KCNH1: variants seen among roughly 807,000 people sequenced by gnomAD.
KCNH1 encodes the protein potassium voltage-gated channel subfamily H member 1.
KCNH1 carries 27 observed loss-of-function variants against 69.2 expected under a neutral mutation model. The ratio of observed to expected loss-of-function variants is 0.39; its 90% CI spans 0.29 to 0.54. KCNH1 has a LOEUF of 0.54. KCNH1 is among the 20% of genes least tolerant of loss of function. The pLI, the probability that KCNH1 is intolerant of heterozygous loss-of-function variation, is 0.68. For synonymous variants in KCNH1, 456 were observed against 487.7 expected, an observed-to-expected ratio of 0.93 and a Z score of 0.86; for missense variants, 798 against 1,261.6, an observed-to-expected ratio of 0.63 and a Z score of 5.57.
rs1017895396 is a variant in KCNH1 at position 210,876,146 on chromosome 1, G to A, written c.1462+43494C>T. On this transcript the variant is annotated intron_variant, in intron 7 of 10. Coordinates refer to ENST00000271751, the MANE Select transcript of KCNH1 (RefSeq NM_172362.3). ...ACTTATTTGAAAATTCCAGCATAAG[G>A]ACAGTAATATATGAATAATTAAGAC... Among the ~76,000 whole-genome samples, 5 of 152,098 alleles carry A rather than the reference G, an allele frequency of 3.3e-5. No individual in the cohort carries two copies. In the East Asian group the frequency reaches 7.7e-4, roughly 23 times the overall value.
chr1:210,866,962 A>C (rs947291013), intron 7 of KCNH1, among the ~76,000 whole-genome samples: 1 of 152,124 alleles, frequency 6.6e-6, no homozygotes, highest in Non-Finnish European at 1.5e-5. Flanking sequence ...TAAATGCTAC[A>C]AAATATTAGA....
At chr1:211,029,686 C>T (rs781459261) in intron 5 of KCNH1, among the ~76,000 whole-genome samples, 1 of 152,080 alleles carries the variant, frequency 6.6e-6, no homozygotes, top group African/African-American at 2.4e-5. Context: ...CAACACAGTA[C>T]TGCTGTTGCA....
At chr1:210,834,476 T>C (rs1271644807) in intron 7 of KCNH1, among the ~76,000 whole-genome samples, 4 of 130,164 alleles carry the variant, frequency 3.1e-5, no homozygotes, top group Admixed American at 8.3e-5. Context: ...TAGGTGGGAA[T>C]TGAACAATGA....
intron 10 of KCNH1, among the ~76,000 whole-genome samples, chr1:210,765,490 A>C (rs765013883): frequency 6.6e-6 from 1 of 152,250 alleles, no homozygotes; most frequent in Non-Finnish European, 1.5e-5. Context: ...AATGGATCAG[A>C]AGCAAATTAT....
chr1:210,710,953 C>G (rs1438868979), intron 10 of KCNH1, among the ~76,000 whole-genome samples: 1 of 152,222 alleles, frequency 6.6e-6, no homozygotes, highest in Non-Finnish European at 1.5e-5. Flanking sequence ...ATAATCCCCA[C>G]CAGCTTCCCT....
At chr1:210,750,381 C>G (rs543728509) in intron 10 of KCNH1, among the ~76,000 whole-genome samples, 4 of 152,112 alleles carry the variant, frequency 2.6e-5, no homozygotes, top group Non-Finnish European at 5.9e-5. Flanking sequence ...AGGAAGGTCA[C>G]CCAGCCTGTT....
chr1:210,956,152 G>A (rs1475007978), intron 6 of KCNH1, among the ~76,000 whole-genome samples: 2 of 152,066 alleles, frequency 1.3e-5, no homozygotes, highest in East Asian at 3.8e-4. Flanking sequence ...CAGCATCTAT[G>A]GAGATAATCG....
intron 5 of KCNH1, among the ~76,000 whole-genome samples, chr1:211,059,082 C>T: frequency 6.6e-6 from 1 of 151,714 alleles, no homozygotes; most frequent in East Asian, 1.9e-4. Context: ...AGTTCAAGAC[C>T]ATCCTGGCTA....
intron 9 of KCNH1, among the ~76,000 whole-genome samples, chr1:210,795,834 C>T (rs1276586761): frequency 2.6e-5 from 4 of 152,156 alleles, no homozygotes; most frequent in Admixed American, 1.3e-4. Context: ...CGTTAATTAT[C>T]ATCAGAGGCT....
chr1:210,735,683 T>C (rs935433757), intron 10 of KCNH1, among the ~76,000 whole-genome samples: 2 of 152,084 alleles, frequency 1.3e-5, no homozygotes, highest in African/African-American at 4.8e-5. Context: ...GCAGGGTTTT[T>C]ACTTGCCTGT....
chr1:210,823,222 A>G (rs1684966113), intron 7 of KCNH1, among the ~76,000 whole-genome samples: 2 of 152,200 alleles, frequency 1.3e-5, no homozygotes, highest in African/African-American at 2.4e-5. Flanking sequence ...AAGTGGTCAT[A>G]CATGTGAAGA....
intron 6 of KCNH1, among the ~76,000 whole-genome samples, chr1:211,003,135 C>T (rs960397281): frequency 6.6e-6 from 1 of 152,072 alleles, no homozygotes; most frequent in Non-Finnish European, 1.5e-5. Context: ...CACACACAGC[C>T]TAAACAAATT....
chr1:210,851,616 C>T lies in KCNH1; in HGVS notation c.1463-47450G>A, dbSNP rs546159719. On this transcript the variant is annotated intron_variant, in intron 7 of 10. Coordinates refer to ENST00000271751, the MANE Select transcript of KCNH1 (RefSeq NM_172362.3). ...GAAATACATTTTTAGGTGATCCCAT[C>T]CTTGTGTGAGCATCATAGAGTATAC... Among the ~76,000 whole-genome samples the T allele has an allele frequency of 1.2e-4, 19 of 152,280 alleles. No homozygotes were observed. In the South Asian group the frequency reaches 2.7e-3, roughly 22 times the overall value.
At chr1:210,801,885 T>C (rs1036000136) in intron 8 of KCNH1, among the ~76,000 whole-genome samples, 2 of 152,250 alleles carry the variant, frequency 1.3e-5, no homozygotes, top group African/African-American at 4.8e-5. Context: ...ATGACTCTGT[T>C]TGGACTCATC....
chr1:210,931,317 C>T (rs1687676397), intron 6 of KCNH1, among the ~76,000 whole-genome samples: 1 of 151,944 alleles, frequency 6.6e-6, no homozygotes, highest in African/African-American at 2.4e-5. Flanking sequence ...ATATATATAC[C>T]GTGGAATACT....
chr1:210,906,259 G>T (rs944789715), intron 7 of KCNH1, among the ~76,000 whole-genome samples: 1 of 152,236 alleles, frequency 6.6e-6, no homozygotes, highest in Non-Finnish European at 1.5e-5. Context: ...ACTGTGAAAA[G>T]CGGGTCAGTA....
intron 5 of KCNH1, among the ~76,000 whole-genome samples, chr1:211,048,834 A>T (rs1363988411): frequency 6.6e-6 from 1 of 152,188 alleles, no homozygotes; most frequent in Non-Finnish European, 1.5e-5. Context: ...CCCAAAAACT[A>T]TTGAAATTTA....
chr1:210,910,150 T>C (rs529543401), intron 7 of KCNH1, among the ~76,000 whole-genome samples: 5 of 149,684 alleles, frequency 3.3e-5, no homozygotes, highest in African/African-American at 9.9e-5. Context: ...TTTTGACACA[T>C]GGTAAACAGT....
intron 5 of KCNH1, among the ~76,000 whole-genome samples, chr1:211,079,514 A>G (rs898379730): frequency 2.0e-5 from 3 of 152,208 alleles, no homozygotes; most frequent in African/African-American, 7.2e-5. Flanking sequence ...AACACAACAA[A>G]AAAAGAGAAT....
Sources: gnomAD v4.1 joint callset for allele counts (sites outside exome capture counted in the v4.1 genomes callset) on GRCh38, gnomAD v4.1.1 for gene constraint, MANE v1.5 for transcripts, NCBI Gene and HGNC (gene_info 2026-07-23, HGNC 2026-07-21) for gene names.